MGST1: variants seen among roughly 807,000 people sequenced by gnomAD.
MGST1 encodes glutathione S-transferase 12.
A neutral mutation model predicts 8.9 loss-of-function variants in MGST1; 5 were observed. That is an observed-to-expected ratio of 0.56 (90% CI 0.29 to 1.19). The LOEUF (loss-of-function observed/expected upper bound fraction) is 1.19, where lower values mean the gene tolerates loss of function less well. Among genes scored for constraint, MGST1 ranks in the 50% most tolerant of loss-of-function variants. The probability of loss-of-function intolerance (pLI) is 0.08; values close to 1 mark genes in which losing one functional copy is unlikely to be tolerated. For missense variants in MGST1, 182 were observed against 187.4 expected, an observed-to-expected ratio of 0.97 and a Z score of 0.17; for synonymous variants, 54 against 67.8, an observed-to-expected ratio of 0.80 and a Z score of 1.00.
intron 1 of MGST1, among the ~76,000 whole-genome samples, chr12:16,424,725 T>G (rs891265542): frequency 6.6e-6 from 1 of 152,204 alleles, no homozygotes; most frequent in African/African-American, 2.4e-5. Context: ...GAAAGCTAAA[T>G]CTGGCACAAG....
intron 4 of MGST1, among the ~76,000 whole-genome samples, chr12:16,465,155 T>C (rs1443759552): frequency 1.3e-5 from 2 of 152,104 alleles, no homozygotes; most frequent in Non-Finnish European, 2.9e-5. Context: ...GGTGGTATGG[T>C]TTGTGCTTGT....
At chr12:16,451,269 G>C (rs1251024203) in intron 4 of MGST1, among the ~76,000 whole-genome samples, 2 of 151,798 alleles carry the variant, frequency 1.3e-5, no homozygotes, top group Non-Finnish European at 2.9e-5. Flanking sequence ...CTCCGAATAG[G>C]TATTGTTTCA....
chr12:16,563,491 A>G (rs1399753392), intron 4 of MGST1, among the ~76,000 whole-genome samples: 2 of 152,196 alleles, frequency 1.3e-5, no homozygotes, highest in Admixed American at 1.3e-4. Flanking sequence ...TCTCCTTTGT[A>G]AGATTTTTTT....
At chr12:16,550,457 G>A (rs1246461735) in intron 4 of MGST1, 1 of 152,348 alleles carries the variant, frequency 6.6e-6, no homozygotes, top group Non-Finnish European at 1.5e-5. Flanking sequence ...CACAAAAAAA[G>A]GATATTAAAA....
chr12:16,514,804 G>A (rs915751840), intron 4 of MGST1, among the ~76,000 whole-genome samples: 3 of 152,296 alleles, frequency 2.0e-5, no homozygotes, highest in Non-Finnish European at 2.9e-5. Context: ...AACACTCAGC[G>A]ATTGAATGTT....
intron 4 of MGST1, among the ~76,000 whole-genome samples, chr12:16,508,858 C>T (rs1941557970): frequency 6.6e-6 from 1 of 152,126 alleles, no homozygotes; most frequent in Admixed American, 6.6e-5. Context: ...ACTGTTTTAG[C>T]TTACCATCTG....
At chr12:16,528,291 A>G (rs1176157772) in intron 4 of MGST1, among the ~76,000 whole-genome samples, 1 of 152,016 alleles carries the variant, frequency 6.6e-6, no homozygotes, top group Non-Finnish European at 1.5e-5. Context: ...TAGGCTAAAC[A>G]TAACTCAAGA....
At chr12:16,347,173 AT>A (rs1453458309), upstream of MGST1, 2 of 152,210 alleles carry the variant, frequency 1.3e-5, no homozygotes, top group Non-Finnish European at 2.9e-5. This position sits in a 1 kb window ranked among gnomAD's most constrained non-coding sequence, Gnocchi z 4.0. Flanking sequence ...GGTATCATGA[AT>A]TTGGAACACC....
chr12:16,381,328 A>G (rs920902843), downstream of MGST1, among the ~76,000 whole-genome samples: 5 of 152,184 alleles, frequency 3.3e-5, no homozygotes, highest in Non-Finnish European at 7.3e-5. Context: ...CTTTCAGGGC[A>G]GGCCTGGTGG....
chr12:16,523,362 A>C (rs963456180), intron 4 of MGST1, among the ~76,000 whole-genome samples: 1 of 152,064 alleles, frequency 6.6e-6, no homozygotes, highest in African/African-American at 2.4e-5. Flanking sequence ...GGGAGTTTAA[A>C]AGACAGATTG....
downstream of MGST1, among the ~76,000 whole-genome samples, chr12:16,441,688 T>C (rs1157203303): frequency 6.6e-6 from 1 of 151,862 alleles, no homozygotes; most frequent in African/African-American, 2.4e-5. Context: ...TAGTGCTGAA[T>C]AATACTCCAT....
At chr12:16,456,945 C>T (rs561092898) in intron 4 of MGST1, among the ~76,000 whole-genome samples, 53 of 152,068 alleles carry the variant, frequency 3.5e-4, no homozygotes, top group Non-Finnish European at 6.5e-4. Context: ...ATTAACAGCT[C>T]TCCCTCTCTT....
Position 16,537,812 on chromosome 12 carries a change from C to A in MGST1, n.483-51716C>A, listed in dbSNP as rs1941764701. 6.6e-6 allele frequency among the ~76,000 whole-genome samples: 1 copy of A among 152,134 alleles called. No individual in the cohort carries two copies. ...TGCACACAGCATGGGGATCCTGGGCCCAGCCCAGGAAACCATTTTTTCCTC... is the reference window on the plus strand; with the variant it reads ...TGCACACAGCATGGGGATCCTGGGCACAGCCCAGGAAACCATTTTTTCCTC... On this transcript the variant is annotated intron_variant and non_coding_transcript_variant, in intron 4 of 4. Coordinates refer to the MGST1 transcript ENST00000538857. This position sits in a 1 kb window ranked among gnomAD's most constrained non-coding sequence, Gnocchi z 4.6.
intron 4 of MGST1, among the ~76,000 whole-genome samples, chr12:16,562,113 T>A (rs1942429362): frequency 6.6e-6 from 1 of 152,202 alleles, no homozygotes. Flanking sequence ...TGTAATATCT[T>A]AATTTCCTAC....
At chr12:16,554,312 C>G (rs1012820799) in intron 4 of MGST1, among the ~76,000 whole-genome samples, 1 of 152,194 alleles carries the variant, frequency 6.6e-6, no homozygotes, top group South Asian at 2.1e-4. Context: ...CATCTTCTTT[C>G]CCTAATGTTA....
intron 4 of MGST1, among the ~76,000 whole-genome samples, chr12:16,475,327 T>C (rs1352613598): frequency 1.3e-5 from 2 of 152,208 alleles, no homozygotes; most frequent in Non-Finnish European, 2.9e-5. Flanking sequence ...ACCTCTGGCT[T>C]ATATATTAAA....
At chr12:16,481,083 A>G (rs1565462314) in intron 4 of MGST1, among the ~76,000 whole-genome samples, 1 of 152,216 alleles carries the variant, frequency 6.6e-6, no homozygotes, top group Non-Finnish European at 1.5e-5. Context: ...AAAAAAAATC[A>G]ACTGTGCCCT....
chr12:16,532,106 T>C (rs146647940), intron 4 of MGST1, among the ~76,000 whole-genome samples: 15 of 152,230 alleles, frequency 9.9e-5, no homozygotes, highest in Admixed American at 7.8e-4. Flanking sequence ...TCTTCAGGTG[T>C]TGATGCTCAG....
rs1045543578 is a variant in MGST1, at chr12:16,500,602, T to C, written n.483-88926T>C. The stretch of plus-strand genomic sequence containing the variant: ...CTCTACAGTTGTTACTTCAAAGATT[T>C]AGGTCAAAATTAACTTAGAGTCGTT... On this transcript the variant is annotated intron_variant and non_coding_transcript_variant, in intron 4 of 4. Transcript: ENST00000538857. The surrounding 1 kb of genome is among the most constrained non-coding windows in gnomAD (Gnocchi z 4.3). Among the ~76,000 whole-genome samples, 1 of 152,222 alleles carries C rather than the reference T, an allele frequency of 6.6e-6. No individual in the cohort carries two copies. The highest frequency in any genetic ancestry group is 2.4e-5 in the African/African-American group (1 of 41,458).
Sources: gnomAD v4.1 joint callset for allele counts (sites outside exome capture counted in the v4.1 genomes callset) on GRCh38, gnomAD v4.1.1 for gene constraint, Gnocchi (gnomAD v3.1) non-coding constraint, MANE v1.5 for transcripts, NCBI Gene and HGNC (gene_info 2026-07-23, HGNC 2026-07-21) for gene names.